SOX6: variants seen among roughly 807,000 people sequenced by gnomAD.
The protein encoded by SOX6 is SRY-box transcription factor 6.
In SOX6, 11 loss-of-function variants were observed where a neutral mutation model predicts 97.8. The ratio of observed to expected loss-of-function variants is 0.11; its 90% confidence interval spans 0.07 to 0.19. SOX6 has a LOEUF of 0.19. SOX6 is among the 10% of genes least tolerant of loss of function. The pLI is 1.00. For missense variants in SOX6, 810 were observed against 1,039.5 expected (o/e 0.78, Z 3.04); for synonymous variants, 360 against 371.4 (o/e 0.97, Z 0.35).
intron 1 of SOX6, among the ~76,000 whole-genome samples, chr11:16,390,990 C>T (rs1393606756): frequency 6.6e-6 from 1 of 152,154 alleles, no homozygotes; most frequent in Admixed American, 6.5e-5. Context: ...GGCACATATA[C>T]ACCATGGAAT....
intron 4 of SOX6, among the ~76,000 whole-genome samples, chr11:16,523,824 A>G (rs1861111220): frequency 1.3e-5 from 2 of 152,228 alleles, no homozygotes; most frequent in South Asian, 4.1e-4. Flanking sequence ...CCACAGAAAT[A>G]CAAACTACCA....
chr11:16,195,325 G>A (rs550797080), intron 4 of SOX6, among the ~76,000 whole-genome samples: 10 of 152,230 alleles, frequency 6.6e-5, no homozygotes, highest in African/African-American at 2.2e-4. Flanking sequence ...TAATCCAAGC[G>A]AGTCTAGAGT....
intron 6 of SOX6, among the ~76,000 whole-genome samples, chr11:16,130,118 A>G (rs1326272668): frequency 6.6e-6 from 1 of 152,056 alleles, no homozygotes; most frequent in Admixed American, 6.5e-5. Context: ...ATAAAAGGCC[A>G]ATAACAAAAA....
At chr11:16,448,623 A>T (rs1383807671) in intron 1 of SOX6, among the ~76,000 whole-genome samples, 1 of 152,196 alleles carries the variant, frequency 6.6e-6, no homozygotes, top group African/African-American at 2.4e-5. Flanking sequence ...TTAAACAGTA[A>T]TTACTATCCT....
chr11:16,031,801 G>A (rs1234887945), intron 12 of SOX6, among the ~76,000 whole-genome samples: 1 of 151,884 alleles, frequency 6.6e-6, no homozygotes, highest in African/African-American at 2.4e-5. Context: ...GTAGGAAGGA[G>A]GTTAGGGAGG....
chr11:16,344,248 G>A (rs1321959865), intron 1 of SOX6, among the ~76,000 whole-genome samples: 1 of 151,510 alleles, frequency 6.6e-6, no homozygotes, highest in African/African-American at 2.4e-5. Flanking sequence ...ATTTGGTCTT[G>A]TTGTTGATTT....
chr11:16,337,878 G>A (rs1323096720), intron 2 of SOX6, among the ~76,000 whole-genome samples: 2 of 151,970 alleles, frequency 1.3e-5, no homozygotes, highest in Non-Finnish European at 2.9e-5. Flanking sequence ...CTCATATTTT[G>A]TTGCAGTGTC....
intron 9 of SOX6, among the ~76,000 whole-genome samples, chr11:16,080,384 A>T (rs1848448336): frequency 6.6e-6 from 1 of 152,130 alleles, no homozygotes; most frequent in Non-Finnish European, 1.5e-5. Context: ...GCAGTTATTT[A>T]ATCTCTCTGG....
chr11:16,454,072 G>A (rs1482532259), intron 1 of SOX6, among the ~76,000 whole-genome samples: 9 of 152,074 alleles, frequency 5.9e-5, no homozygotes, highest in Non-Finnish European at 2.9e-5. Flanking sequence ...TTTTGATGAT[G>A]CAGTCTTTTT....
intron 1 of SOX6, among the ~76,000 whole-genome samples, chr11:16,343,459 G>A (rs1856694458): frequency 6.6e-6 from 1 of 151,762 alleles, no homozygotes; most frequent in South Asian, 2.1e-4. Flanking sequence ...AACTCAAAAT[G>A]AAAACAGTCT....
intron 3 of SOX6, among the ~76,000 whole-genome samples, chr11:16,626,179 C>T (rs1327572306): frequency 1.3e-5 from 2 of 152,188 alleles, no homozygotes; most frequent in Non-Finnish European, 2.9e-5. Flanking sequence ...AAAACCCACA[C>T]ATCTGGTGTC....
chr11:16,368,134 C>T (rs985969158), intron 1 of SOX6, among the ~76,000 whole-genome samples: 4 of 152,108 alleles, frequency 2.6e-5, no homozygotes, highest in Admixed American at 2.6e-4. Context: ...TTGACTAGCA[C>T]TCCCATTATG....
intron 1 of SOX6, among the ~76,000 whole-genome samples, chr11:16,446,757 G>A (rs1859619594): frequency 6.6e-6 from 1 of 151,692 alleles, no homozygotes; most frequent in South Asian, 2.1e-4. Context: ...AGCATAAGAT[G>A]TAATTCCATA....
intron 3 of SOX6, among the ~76,000 whole-genome samples, chr11:16,304,214 C>T (rs894833457): frequency 1.3e-5 from 2 of 152,098 alleles, no homozygotes; most frequent in Admixed American, 1.3e-4. Context: ...CTGTGCCTGG[C>T]CAAGTTTTGA....
At chr11:16,089,300 G>A (rs1193217163) in intron 9 of SOX6, among the ~76,000 whole-genome samples, 4 of 152,038 alleles carry the variant, frequency 2.6e-5, no homozygotes, top group East Asian at 1.9e-4. Context: ...GGGGGAAAGC[G>A]TTAAATTAGT....
At chr11:16,673,177 T>C (rs1752953550) in intron 3 of SOX6, among the ~76,000 whole-genome samples, 1 of 151,414 alleles carries the variant, frequency 6.6e-6, no homozygotes, top group African/African-American at 2.4e-5. Flanking sequence ...GAGAAAAACT[T>C]CAAATAACCT....
At chr11:16,733,251 C>G (rs555436630) in intron 2 of SOX6, among the ~76,000 whole-genome samples, 1 of 152,320 alleles carries the variant, frequency 6.6e-6, no homozygotes, top group South Asian at 2.1e-4. Context: ...GATTATAAAT[C>G]ATTGTACTTT....
intron 4 of SOX6, among the ~76,000 whole-genome samples, chr11:16,563,536 G>A (rs1847838056): frequency 6.6e-6 from 1 of 152,138 alleles, no homozygotes; most frequent in African/African-American, 2.4e-5. Context: ...TGAACCAGAA[G>A]ACAGAACAAT....
chr11:16,734,865 T>G (rs1277454076), intron 2 of SOX6, among the ~76,000 whole-genome samples: 2 of 152,210 alleles, frequency 1.3e-5, no homozygotes, highest in Admixed American at 1.3e-4. Flanking sequence ...AATACCTTTA[T>G]TATAGCACTT....
Sources: gnomAD v4.1 joint callset for allele counts (sites outside exome capture counted in the v4.1 genomes callset) on GRCh38, gnomAD v4.1.1 for gene constraint, MANE v1.5 for transcripts, NCBI Gene and HGNC (gene_info 2026-07-23, HGNC 2026-07-21) for gene names.